CSF2RA: variants seen among roughly 807,000 people sequenced by gnomAD.
CSF2RA encodes the protein granulocyte-macrophage colony-stimulating factor receptor subunit alpha.
Under a neutral mutation model 51.6 loss-of-function variants are expected in CSF2RA, and 42 were observed. The observed-to-expected ratio is 0.81, with a 90% CI of 0.64 to 1.05. The LOEUF (loss-of-function observed/expected upper bound fraction) is 1.05, where lower values mean the gene tolerates loss of function less well. Ranked by LOEUF, CSF2RA falls within the 50% of genes least tolerant of loss-of-function variation. The probability of loss-of-function intolerance (pLI) is 0.00; values close to 1 mark genes in which losing one functional copy is unlikely to be tolerated. For missense variants in CSF2RA, 530 were observed against 501.1 expected (o/e 1.06, Z -0.55); for synonymous variants, 222 against 193.0 (o/e 1.15, Z -1.24).
At chrX:1,306,793 A>G in intron 12 of CSF2RA, among the ~76,000 whole-genome samples, 1 of 151,736 alleles carries the variant, frequency 6.6e-6, no homozygotes, top group Non-Finnish European at 1.5e-5. Flanking sequence ...AAGGAGACAT[A>G]GAGACAGGGA....
Position 1,268,835 on chromosome X carries a change from A to C in CSF2RA, c.-135A>C. Reference sequence around the variant, plus strand: ...AGCTACTCAGAAGCGGGAGTCTCCGAGAGAAGAAAAGCAGGTGGAAGGAGA... The same window carrying C: ...AGCTACTCAGAAGCGGGAGTCTCCGCGAGAAGAAAAGCAGGTGGAAGGAGA... On this transcript the variant is annotated 5_prime_UTR_variant, in exon 1 of 13. Transcript: ENST00000381529. The C allele has an allele frequency of 2.2e-6, 1 of 454,114 alleles. No individual in the cohort carries two copies. Among genetic ancestry groups the C allele is most frequent in the South Asian group, 1.6e-5 (1 of 64,478 alleles). The allele number at this position is 454,114 out of a possible 1,614,324, so 28.1% of individuals were successfully genotyped here.
downstream of CSF2RA, among the ~76,000 whole-genome samples, chrX:1,311,077 G>A (rs1325636535): frequency 2.6e-5 from 4 of 151,808 alleles, no homozygotes; most frequent in African/African-American, 2.4e-5. Flanking sequence ...GTGAAACCCC[G>A]CTTCTACTAA....
At chrX:1,279,638 C>A (rs1603421266) in intron 2 of CSF2RA, among the ~76,000 whole-genome samples, 1 of 152,020 alleles carries the variant, frequency 6.6e-6, no homozygotes, top group Non-Finnish European at 1.5e-5. Context: ...GGGGAAGCGG[C>A]CACATCCCTG....
intron 2 of CSF2RA, among the ~76,000 whole-genome samples, chrX:1,275,907 G>A (rs1323174939): frequency 6.6e-6 from 1 of 151,912 alleles, no homozygotes; most frequent in African/African-American, 2.4e-5. Flanking sequence ...TGGCCAGGCT[G>A]GTCTCAAACT....
At chrX:1,299,893 G>A (rs1338057611) in intron 9 of CSF2RA, among the ~76,000 whole-genome samples, 2 of 152,094 alleles carry the variant, frequency 1.3e-5, no homozygotes, top group East Asian at 3.9e-4. Context: ...ACTCCAGCCT[G>A]GGCGACAGAG....
chrX:1,297,657 GAGTAACCCTACAGTCCCCTACTCA>G, intron 9 of CSF2RA, among the ~76,000 whole-genome samples: 1 of 57,264 alleles, frequency 1.7e-5, no homozygotes, highest in Non-Finnish European at 3.5e-5. Flanking sequence ...ATGACCCCTG[GAGTAACCCTACAGTCCCCTACTCA>G]CGACCCCTAC....
chrX:1,285,362 G>T (rs2090508744), intron 3 of CSF2RA, among the ~76,000 whole-genome samples: 2 of 152,034 alleles, frequency 1.3e-5, no homozygotes, highest in African/African-American at 2.4e-5. Context: ...GCAGGCTTCA[G>T]CCCTGAACTT....
rs1163859610 is a variant in CSF2RA at position 1,278,836 on chromosome X, G to A, written c.-26-3842G>A. 4.7e-4 allele frequency among the ~76,000 whole-genome samples: 71 copies of A among 149,524 alleles called. 1 individual carries two copies. Among genetic ancestry groups the A allele is most frequent in the African/African-American group, 1.5e-3 (60 of 40,760 alleles). On this transcript the variant is annotated intron_variant, in intron 2 of 12. Coordinates refer to ENST00000381529, the MANE Select transcript of CSF2RA (RefSeq NM_172245.4). The stretch of plus-strand genomic sequence containing the variant: ...GTGGATCACCTGAGGTCAGAAGTTC[G>A]AGACCAGCCTGGCCAACATGGTGAA...
chrX:1,323,785 CG>C, the CSF2RA span, among the ~76,000 whole-genome samples: 1 of 151,760 alleles, frequency 6.6e-6, no homozygotes, highest in African/African-American at 2.4e-5. Flanking sequence ...GAGGCAGAGG[CG>C]GGCAGATCAT....
At chrX:1,268,926 C>G (rs1274319340) in intron 1 of CSF2RA, 47 bp downstream of exon 1, 1 of 453,628 alleles carries the variant, frequency 2.2e-6, no homozygotes, top group South Asian at 1.6e-5. Context: ...TGTCGAGTCA[C>G]CCGGGTACAT....
At chrX:1,273,547 T>G (rs1335793110) in intron 1 of CSF2RA, among the ~76,000 whole-genome samples, 1 of 151,868 alleles carries the variant, frequency 6.6e-6, no homozygotes, top group Non-Finnish European at 1.5e-5. Context: ...CAGGCTGGTC[T>G]TGAACTCCTG....
At chrX:1,301,827 C>T (rs1326309956) in intron 10 of CSF2RA, among the ~76,000 whole-genome samples, 1 of 150,100 alleles carries the variant, frequency 6.7e-6, no homozygotes, top group Admixed American at 6.7e-5. Flanking sequence ...AGGATGGTCT[C>T]GATCTCCTGA....
chrX:1,294,998 A>G (rs1321976472), intron 8 of CSF2RA, among the ~76,000 whole-genome samples: 3 of 144,394 alleles, frequency 2.1e-5, no homozygotes, highest in Non-Finnish European at 4.6e-5. Flanking sequence ...TCCAGTGTAG[A>G]CAAGAGGAGA....
chrX:1,284,089 T>A (rs1363743249), intron 3 of CSF2RA, among the ~76,000 whole-genome samples: 1 of 152,034 alleles, frequency 6.6e-6, no homozygotes, highest in African/African-American at 2.4e-5. Flanking sequence ...AGCTTTATAT[T>A]AAACTGCCAA....
rs1424773728 is a variant in CSF2RA, at chrX:1,289,849, TTTTTGTGTTTTTGTTTTGTG to T, written c.474-473_474-454del. ...GTGTTTGTTTTTGTTTTGTTTTGTG[TTTTTGTGTTTTTGTTTTGTG>T]TTTTGTGTTTTTGTGTTTTGTTTTG... On this transcript the variant is annotated intron_variant, in intron 6 of 12. Coordinates refer to ENST00000381529, the MANE Select transcript of CSF2RA (RefSeq NM_172245.4). 2.7e-5 allele frequency among the ~76,000 whole-genome samples: 4 copies of T among 150,362 alleles called. No individual in the cohort carries two copies. In the East Asian group the frequency reaches 7.8e-4, roughly 29 times the overall value.
At chrX:1,304,092 C>G in intron 11 of CSF2RA, 73 bp downstream of exon 11, 1 of 1,228,690 alleles carries the variant, frequency 8.1e-7, no homozygotes. Flanking sequence ...TGTCCAGTCT[C>G]TGTCTCTGTC....
At chrX:1,287,208 C>T (rs1289137785) in intron 4 of CSF2RA, 3 of 139,570 alleles carry the variant, frequency 2.1e-5, no homozygotes, top group Non-Finnish European at 3.0e-5. Flanking sequence ...GGCTGGAGTA[C>T]ACTGGTGTGA....
At chrX:1,320,493 A>T in the CSF2RA span, among the ~76,000 whole-genome samples, 13 of 126,190 alleles carry the variant, frequency 1.0e-4, no homozygotes, top group African/African-American at 4.0e-4. Flanking sequence ...TTATATGCCA[A>T]TGTGGCTTTT....
chrX:1,317,971 T>C, the CSF2RA span, among the ~76,000 whole-genome samples: 3 of 150,692 alleles, frequency 2.0e-5, no homozygotes, highest in Middle Eastern at 3.4e-3. Flanking sequence ...CATGACTGGC[T>C]AATTTTTTTC....
Sources: gnomAD v4.1 joint callset for allele counts (sites outside exome capture counted in the v4.1 genomes callset) on GRCh38, gnomAD v4.1.1 for gene constraint, MANE v1.5 for transcripts, NCBI Gene and HGNC (gene_info 2026-07-23, HGNC 2026-07-21) for gene names.